The following PHF20 variants were observed in gnomAD, a reference collection of about 807,000 sequenced individuals.
PHF20 encodes the protein glioma-expressed antigen 2.
PHF20 carries 23 observed loss-of-function variants against 113.5 expected under a neutral mutation model. That is an observed-to-expected ratio of 0.20 (90% confidence interval 0.15 to 0.29). The LOEUF (loss-of-function observed/expected upper bound fraction) is 0.29, where lower values mean the gene tolerates loss of function less well. Ranked by LOEUF, PHF20 falls within the 10% of genes least tolerant of loss-of-function variation. The probability of loss-of-function intolerance (pLI) is 1.00; values close to 1 mark genes in which losing one functional copy is unlikely to be tolerated. For missense variants in PHF20, 943 were observed against 1,219.6 expected, an observed-to-expected ratio of 0.77 and a Z score of 3.38; for synonymous variants, 434 against 457.3, an observed-to-expected ratio of 0.95 and a Z score of 0.65.
intron 9 of PHF20, among the ~76,000 whole-genome samples, chr20:35,894,487 G>A (rs1049476329): frequency 6.6e-6 from 1 of 152,180 alleles, no homozygotes; most frequent in African/African-American, 2.4e-5. Flanking sequence ...TGTGCTTTTT[G>A]TACTATACCA....
At chr20:35,805,484 G>A (rs2041864810) in intron 2 of PHF20, among the ~76,000 whole-genome samples, 1 of 151,026 alleles carries the variant, frequency 6.6e-6, no homozygotes. Flanking sequence ...CCGGGTTCAC[G>A]CCATTCTCCT....
intron 9 of PHF20, among the ~76,000 whole-genome samples, chr20:35,889,256 C>T (rs1264924586): frequency 6.6e-6 from 1 of 151,938 alleles, no homozygotes; most frequent in African/African-American, 2.4e-5. Context: ...CTTTGTGATT[C>T]GCCCACCTTG....
intron 11 of PHF20, among the ~76,000 whole-genome samples, chr20:35,913,765 C>T (rs1315528704): frequency 6.6e-6 from 1 of 152,206 alleles, no homozygotes; most frequent in Non-Finnish European, 1.5e-5. Flanking sequence ...TCTATATATT[C>T]TGACTTGGGA....
intron 4 of PHF20, among the ~76,000 whole-genome samples, chr20:35,850,513 G>A (rs1288239933): frequency 9.1e-5 from 12 of 132,324 alleles, no homozygotes; most frequent in African/African-American, 3.4e-4. Flanking sequence ...GGTTTCAAAT[G>A]TACTTTATTT....
chr20:35,818,316 G>A (rs1316381805), intron 2 of PHF20, among the ~76,000 whole-genome samples: 1 of 152,110 alleles, frequency 6.6e-6, no homozygotes, highest in Non-Finnish European at 1.5e-5. Flanking sequence ...AATTAGCTGA[G>A]GTGGAAGGAT....
At chr20:35,851,113 G>T (rs1379852039) in intron 4 of PHF20, among the ~76,000 whole-genome samples, 3 of 152,012 alleles carry the variant, frequency 2.0e-5, no homozygotes, top group Non-Finnish European at 4.4e-5. Flanking sequence ...AGGGCTTTTT[G>T]CCCCCAGTAG....
intron 2 of PHF20, among the ~76,000 whole-genome samples, chr20:35,823,445 A>G (rs2042206904): frequency 6.6e-6 from 1 of 150,590 alleles, no homozygotes; most frequent in Admixed American, 6.7e-5. Context: ...TCAAAAAAAA[A>G]AAAAAAAAAC....
At chr20:35,784,354 A>G (rs1215005253) in intron 1 of PHF20, among the ~76,000 whole-genome samples, 3 of 143,182 alleles carry the variant, frequency 2.1e-5, no homozygotes, top group Admixed American at 7.2e-5. Flanking sequence ...ACCCGGCCAC[A>G]TTTTTTTTCC....
intron 3 of PHF20, chr20:35,845,645 A>G (rs563098544): frequency 6.4e-6 from 1 of 156,740 alleles, no homozygotes; most frequent in South Asian, 1.8e-4. Flanking sequence ...CGTACCTCCC[A>G]AAGTCCTGGG....
chr20:35,909,458 G>A (rs1225944314), intron 10 of PHF20, among the ~76,000 whole-genome samples: 1 of 151,974 alleles, frequency 6.6e-6, no homozygotes, highest in Non-Finnish European at 1.5e-5. Context: ...GTCAAACTGT[G>A]TAAAAATGAG....
rs373645273 is a variant in PHF20 at position 35,869,403 on chromosome 20, G to A, written c.809-35G>A. 9.9e-5 allele frequency: 105 copies of A among 1,055,442 alleles called. No homozygotes were observed. In the African/African-American group the frequency reaches 1.4e-3, roughly 14 times the overall value. The allele number at this position is 1,055,442 out of a possible 1,614,324, so 65.4% of individuals were successfully genotyped here. On this transcript the variant is annotated intron_variant, in intron 6 of 17. Coordinates refer to ENST00000374012, the MANE Select transcript of PHF20 (RefSeq NM_016436.5). Reference sequence around the variant, plus strand: ...AAAATGACAGACACTAAGAAATTATGTATCTTTTTTTGTGTGGTTTTATAA... The same window carrying A: ...AAAATGACAGACACTAAGAAATTATATATCTTTTTTTGTGTGGTTTTATAA...
chr20:35,904,528 C>G lies in PHF20; in HGVS notation c.1561+4880C>G, dbSNP rs140512774. 9.8e-4 allele frequency among the ~76,000 whole-genome samples: 149 copies of G among 151,930 alleles called. No homozygotes were observed. In the East Asian group the frequency reaches 0.021, roughly 21 times the overall value. On this transcript the variant is annotated intron_variant, in intron 10 of 17. Coordinates refer to ENST00000374012, the MANE Select transcript of PHF20 (RefSeq NM_016436.5). Reference sequence around the variant, plus strand: ...TTGAACTCCTGGCCTCAAGTGGTCCCGAACTTGGGTTCTCATGGATTTCTC... The same window carrying G: ...TTGAACTCCTGGCCTCAAGTGGTCCGGAACTTGGGTTCTCATGGATTTCTC...
chr20:35,782,486 T>C (rs2041321360), intron 1 of PHF20: 1 of 152,160 alleles, frequency 6.6e-6, no homozygotes, highest in East Asian at 1.9e-4. Context: ...GTTTTCACCA[T>C]ATTCGCCAAG....
At chr20:35,812,510 G>T (rs1794017062) in intron 2 of PHF20, among the ~76,000 whole-genome samples, 1 of 152,140 alleles carries the variant, frequency 6.6e-6, no homozygotes, top group South Asian at 2.1e-4. Flanking sequence ...CCCACATTCT[G>T]GTTTAGTCAC....
chr20:35,863,425 A>G (rs371215042), intron 6 of PHF20, 25 bp downstream of exon 6: 44 of 1,559,066 alleles, frequency 2.8e-5, no homozygotes, highest in Non-Finnish European at 3.6e-5. Context: ...TGGGCTCTGC[A>G]ATGGGCAATG....
intron 9 of PHF20, among the ~76,000 whole-genome samples, chr20:35,886,969 G>A (rs1409692960): frequency 6.6e-6 from 1 of 152,144 alleles, no homozygotes; most frequent in African/African-American, 2.4e-5. Flanking sequence ...TTGGAGTGAC[G>A]TGGGCCTTGA....
intron 14 of PHF20, among the ~76,000 whole-genome samples, chr20:35,928,307 C>T (rs998038107): frequency 6.6e-6 from 1 of 151,876 alleles, no homozygotes; most frequent in African/African-American, 2.4e-5. Flanking sequence ...GGCATGGTGA[C>T]AGGCGCCTGT....
At position 35,884,933 on chromosome 20, in the gene PHF20, C is replaced by T. The variant is rs111452696; in HGVS notation, c.1282+13104C>T. Among the ~76,000 whole-genome samples the T allele has an allele frequency of 3.0e-3, 455 of 152,276 alleles. 1 individual carries two copies. Among genetic ancestry groups the T allele is most frequent in the African/African-American group, 0.01 (426 of 41,550 alleles). ...GCAACCTCCACCTCCTGGGTTCAAG[C>T]AATTCTCCTGTCTCTGCCTCCCGAG... On this transcript the variant is annotated intron_variant, in intron 9 of 17. Transcript: ENST00000374012.
intron 2 of PHF20, among the ~76,000 whole-genome samples, chr20:35,806,896 C>T (rs374806802): frequency 2.0e-5 from 3 of 150,360 alleles, no homozygotes; most frequent in Admixed American, 6.7e-5. Context: ...CCCGGGTTCA[C>T]GCCATTCTCC....
Sources: gnomAD v4.1 joint callset for allele counts (sites outside exome capture counted in the v4.1 genomes callset) on GRCh38, gnomAD v4.1.1 for gene constraint, MANE v1.5 for transcripts, NCBI Gene and HGNC (gene_info 2026-07-23, HGNC 2026-07-21) for gene names.